The following OTOG variants were observed in gnomAD, a reference collection of about 807,000 sequenced individuals.
OTOG encodes the protein otogelin.
A neutral mutation model predicts 313.8 loss-of-function variants in OTOG; 296 were observed. That is an observed-to-expected ratio of 0.94 (90% CI 0.86 to 1.04). The LOEUF (loss-of-function observed/expected upper bound fraction) is 1.04, where lower values mean the gene tolerates loss of function less well. OTOG is among the 50% of genes least tolerant of loss of function. The probability of loss-of-function intolerance (pLI) is 0.00; values close to 1 mark genes in which losing one functional copy is unlikely to be tolerated. For missense variants in OTOG, 3,948 were observed against 3,840.1 expected (o/e 1.03, Z -0.74); for synonymous variants, 1,533 against 1,554.9 (o/e 0.99, Z 0.33).
At chr11:17,586,331 A>T (rs1164677189) in intron 23 of OTOG, 143 bp from the exon 24 acceptor site, 4 of 403,984 alleles carry the variant, frequency 9.9e-6, no homozygotes, top group Non-Finnish European at 1.3e-5. Context: ...CAGCAGCAGG[A>T]TGGGGAGTGA....
At position 17,634,333 on chromosome 11, in the gene OTOG, G is replaced by T. The variant is rs191057445; in HGVS notation, c.7480+52G>T. On this transcript the variant is annotated intron_variant, in intron 44 of 55. Coordinates refer to ENST00000399397, the MANE Select transcript of OTOG (RefSeq NM_001292063.2). The stretch of plus-strand genomic sequence containing the variant: ...ACGTCAACTGTAAAACAGTTAAAAG[G>T]TTCCAGCCCTGCACACCAACCCTGA... 4.6e-4 allele frequency: 692 copies of T among 1,519,668 alleles called. No homozygotes were observed. In the African/African-American group the frequency reaches 7.8e-3, roughly 17 times the overall value. The allele number at this position is 1,519,668 out of a possible 1,614,324, so 94.1% of individuals were successfully genotyped here.
intron 39 of OTOG, among the ~76,000 whole-genome samples, chr11:17,616,710 A>G (rs767012833): frequency 6.6e-6 from 1 of 152,190 alleles, no homozygotes; most frequent in Non-Finnish European, 1.5e-5. Flanking sequence ...TTATTTTTGC[A>G]TATTGAGCTT....
At chr11:17,553,238 A>G (rs1851982606) in intron 5 of OTOG, 27 bp downstream of exon 5, 7 of 1,548,904 alleles carry the variant, frequency 4.5e-6, no homozygotes, top group Non-Finnish European at 6.1e-6. Flanking sequence ...CCCCACCCCC[A>G]GGAAGGGACC....
Position 17,637,884 on chromosome 11 carries a change from G to A in OTOG, c.7796-567G>A, listed in dbSNP as rs916859513. 7.2e-5 allele frequency among the ~76,000 whole-genome samples: 11 copies of A among 151,922 alleles called. No homozygotes were observed. The South Asian group carries it at 8.3e-4, about 11-fold the overall frequency. Reference sequence around the variant, plus strand: ...ATCCTCACCTTTAGTGCTGACCCTCGCCCCTCCCCTATCCACCAAAACGTT... The same window carrying A: ...ATCCTCACCTTTAGTGCTGACCCTCACCCCTCCCCTATCCACCAAAACGTT... On this transcript the variant is annotated intron_variant, in intron 47 of 55. Transcript: ENST00000399397.
chr11:17,611,655 T>A (rs554951860), intron 36 of OTOG, among the ~76,000 whole-genome samples: 4 of 151,970 alleles, frequency 2.6e-5, no homozygotes, highest in Admixed American at 6.5e-5. Context: ...CAGGTGACAA[T>A]GTGTGTGTGC....
chr11:17,624,551 T>C (rs1176322941), intron 39 of OTOG, among the ~76,000 whole-genome samples: 1 of 152,246 alleles, frequency 6.6e-6, no homozygotes, highest in African/African-American at 2.4e-5. Context: ...TTTTAGTTAC[T>C]GTAGCCGTGA....
At chr11:17,567,967 G>A (rs2134019411) in intron 15 of OTOG, among the ~76,000 whole-genome samples, 1 of 151,892 alleles carries the variant, frequency 6.6e-6, no homozygotes, top group Non-Finnish European at 1.5e-5. Context: ...GAGTGCAGTG[G>A]CGAGATCTCG....
At chr11:17,593,806 C>T (rs762613544) in intron 27 of OTOG, 50 bp downstream of exon 27, 5 of 1,535,896 alleles carry the variant, frequency 3.3e-6, no homozygotes, top group Non-Finnish European at 4.4e-6. Context: ...CTAAGCCAAG[C>T]CCTGGGTGTC....
chr11:17,597,101 A>T (rs1000372092), intron 30 of OTOG, 94 bp downstream of exon 30: 1 of 1,436,062 alleles, frequency 7.0e-7, no homozygotes, highest in African/African-American at 1.4e-5. Flanking sequence ...GCATTTACTG[A>T]GTACTTAGAA....
At chr11:17,639,500 G>T in intron 49 of OTOG, 37 bp downstream of exon 49, 1 of 1,545,468 alleles carries the variant, frequency 6.5e-7, no homozygotes, top group Non-Finnish European at 8.8e-7. Flanking sequence ...TCCCTGGTCT[G>T]CTCCCCTTTC....
chr11:17,560,858 C>T (rs893293605), intron 13 of OTOG, 41 bp downstream of exon 13: 23 of 1,491,066 alleles, frequency 1.5e-5, no homozygotes, highest in Admixed American at 2.0e-5. Context: ...GGGGCATGGC[C>T]GCTGAGGCTT....
intron 33 of OTOG, 50 bp from the exon 34 acceptor site, chr11:17,608,242 ACTCC>A: frequency 8.3e-7 from 1 of 1,210,072 alleles, no homozygotes; most frequent in African/African-American, 1.6e-5. Flanking sequence ...GAGCTCTGGG[ACTCC>A]CTCTGTGTCT....
chr11:17,612,925 G>A (rs1441758323), intron 38 of OTOG, among the ~76,000 whole-genome samples, 160 bp downstream of exon 38: 3 of 152,200 alleles, frequency 2.0e-5, no homozygotes, highest in Non-Finnish European at 4.4e-5. Flanking sequence ...CCCAGGTGAT[G>A]GCTCCCTTGG....
rs1361028537 is a variant in OTOG at position 17,611,014 on chromosome 11, G to A, written c.5714G>A (p.Ser1905Asn). 6.4e-7 allele frequency: 1 copy of A among 1,550,582 alleles called. No individual in the cohort carries two copies. Among genetic ancestry groups the A allele is most frequent in the South Asian group, 1.2e-5 (1 of 84,062 alleles). ...ASMVSVVPRKSTTGKVAILSK... is the reference protein window; with the variant it reads ...ASMVSVVPRKNTTGKVAILSK... ...ATGGTATCTGTTGTCCCACGAAAGAGCACCACAGGGAAGGTGGCCATCCTA... is the reference window on the plus strand; with the variant it reads ...ATGGTATCTGTTGTCCCACGAAAGAACACCACAGGGAAGGTGGCCATCCTA... The change falls in exon 36 of 56, where the codon AGC becomes AAC. Residue 1905 changes from serine (S) to asparagine (N), a missense_variant. By Grantham distance (46) the Ser-to-Asn change is conservative. Coordinates refer to ENST00000399397, the MANE Select transcript of OTOG (RefSeq NM_001292063.2).
At chr11:17,635,050 C>G (rs1334189029) in intron 45 of OTOG, 30 bp from the exon 46 acceptor site, 1 of 1,540,322 alleles carries the variant, frequency 6.5e-7, no homozygotes, top group Non-Finnish European at 8.8e-7. Flanking sequence ...AGGTTCCTCT[C>G]CCAGCACCTA....
chr11:17,594,392 C>T lies in OTOG; in HGVS notation c.3408+226C>T, dbSNP rs549198221. Among the ~76,000 whole-genome samples the T allele has an allele frequency of 4.0e-4, 61 of 152,268 alleles. No homozygotes were observed. In the South Asian group the frequency reaches 0.013, roughly 32 times the overall value. On this transcript the variant is annotated intron_variant, in intron 28 of 55. Coordinates refer to ENST00000399397, the MANE Select transcript of OTOG (RefSeq NM_001292063.2). ...CTGCCCACCCTACCCTGGACCAAGCCCTGGTAGGGTGGTGGAGGGTTGGGA... is the reference window on the plus strand; with the variant it reads ...CTGCCCACCCTACCCTGGACCAAGCTCTGGTAGGGTGGTGGAGGGTTGGGA...
chr11:17,578,396 G>GTCT lies in OTOG; in HGVS notation c.2632_2634dup (p.Phe878dup), dbSNP rs1208599357. On this transcript the variant is annotated inframe_insertion, in exon 23 of 56. Coordinates refer to ENST00000399397, the MANE Select transcript of OTOG (RefSeq NM_001292063.2). Reference sequence around the variant, plus strand: ...AGCTGCTGCCTGCCCAGCAGGCCAGGTCTTCGTGAACTGCAGCGACCTGCA... The same window carrying GTCT: ...AGCTGCTGCCTGCCCAGCAGGCCAGGTCTTCTTCGTGAACTGCAGCGACCTGCA... 2.4e-5 allele frequency: 36 copies of GTCT among 1,531,540 alleles called. No individual in the cohort carries two copies. The East Asian group carries it at 8.9e-4, about 38-fold the overall frequency. 94.9% of individuals were successfully genotyped at this position (1,531,540 alleles called of 1,614,324 possible).
intron 50 of OTOG, 30 bp from the exon 51 acceptor site, chr11:17,640,883 T>A: frequency 1.3e-6 from 2 of 1,549,256 alleles, no homozygotes; most frequent in African/African-American, 1.4e-5. Context: ...GGGCTCTGGA[T>A]GACTGTTGCC....
intron 28 of OTOG, among the ~76,000 whole-genome samples, chr11:17,595,059 T>G (rs559325876): frequency 1.2e-4 from 18 of 152,308 alleles, no homozygotes; most frequent in African/African-American, 4.1e-4. Context: ...CTTAATGCCC[T>G]GCTGGGAAGT....
Sources: allele counts gnomAD v4.1 joint callset (sites outside exome capture counted in the v4.1 genomes callset), GRCh38; gene constraint gnomAD v4.1.1; transcripts MANE v1.5; gene names NCBI Gene and HGNC (gene_info 2026-07-23, HGNC 2026-07-21).